TTC5: variants seen among roughly 807,000 people sequenced by gnomAD.
The protein encoded by TTC5 is tetratricopeptide repeat protein 5.
Under a neutral mutation model 57.4 loss-of-function variants are expected in TTC5, and 46 were observed. The ratio of observed to expected loss-of-function variants is 0.80; its 90% confidence interval spans 0.63 to 1.03. The LOEUF (loss-of-function observed/expected upper bound fraction) is 1.03. TTC5 is among the 50% of genes least tolerant of loss of function. The pLI is 0.00. For synonymous variants in TTC5, 190 were observed against 203.5 expected, an observed-to-expected ratio of 0.93 and a Z score of 0.57; for missense variants, 504 against 528.1, an observed-to-expected ratio of 0.95 and a Z score of 0.45.
intron 1 of TTC5, among the ~76,000 whole-genome samples, chr14:20,304,223 TTAAC>T (rs779473383): frequency 5.5e-4 from 83 of 152,290 alleles, no homozygotes; most frequent in African/African-American, 1.7e-3. Context: ...CTTGATTGAA[TTAAC>T]TAACTAACTA....
At chr14:20,296,368 G>T in intron 6 of TTC5, 22 bp downstream of exon 6, 1 of 1,599,018 alleles carries the variant, frequency 6.3e-7, no homozygotes, top group South Asian at 1.1e-5. Context: ...ACCCTCAGAT[G>T]ACTACACCCC....
intron 1 of TTC5, among the ~76,000 whole-genome samples, chr14:20,303,358 T>C (rs559226700): frequency 6.6e-6 from 1 of 152,292 alleles, no homozygotes; most frequent in East Asian, 1.9e-4. Context: ...ATTATGTATA[T>C]GCAGATATTC....
Position 20,289,745 on chromosome 14 carries a change from T to C in TTC5, c.1205A>G (p.Asp402Gly), listed in dbSNP as rs1009186891. The change falls in exon 10 of 10, where the codon GAC becomes GGC. Residue 402 changes from aspartate (D) to glycine (G), a missense_variant and splice_region_variant. Physicochemically the swap from Asp to Gly is moderately conservative, Grantham distance 94. Coordinates refer to ENST00000258821, the MANE Select transcript of TTC5 (RefSeq NM_138376.3). ...RLHRIQHKGK[D>G]YSFSSVRVET... ...CACTCGAACACTGGAAAAGGAATAG[T>C]CCTAGAAAAGACAGACAGACAAAGG... 4.3e-6 allele frequency: 7 copies of C among 1,611,700 alleles called. No individual in the cohort carries two copies. Among genetic ancestry groups the C allele is most frequent in the Admixed American group, 1.7e-5 (1 of 59,660 alleles).
intron 2 of TTC5, 68 bp downstream of exon 2, chr14:20,301,765 G>A (rs1054142788): frequency 2.3e-5 from 37 of 1,593,812 alleles, no homozygotes; most frequent in Non-Finnish European, 3.2e-5. Flanking sequence ...AAGAGTCAAT[G>A]AGGAGGGAGC....
chr14:20,286,245 A>G lies in TTC5; in HGVS notation c.*3382T>C, dbSNP rs1881835110. 6.6e-6 allele frequency: 1 copy of G among 152,174 alleles called. No individual in the cohort carries two copies. Among genetic ancestry groups the G allele is most frequent in the Non-Finnish European group, 1.5e-5 (1 of 68,022 alleles). 9.4% of individuals were successfully genotyped at this position (152,174 alleles called of 1,614,324 possible). On this transcript the variant is annotated 3_prime_UTR_variant, in exon 10 of 10. Transcript: ENST00000258821. ...AGCAAGCTGCGATTTGGATAAATAT[A>G]TTTGAAAAACATAATTTATAATGGA...
At chr14:20,301,761 C>A in intron 2 of TTC5, 72 bp downstream of exon 2, 2 of 1,587,974 alleles carry the variant, frequency 1.3e-6, no homozygotes, top group Admixed American at 1.7e-5. Flanking sequence ...ACCAAAGAGT[C>A]AATGAGGAGG....
chr14:20,293,549 G>A (rs191358419), intron 8 of TTC5: 1 of 152,206 alleles, frequency 6.6e-6, no homozygotes, highest in African/African-American at 2.4e-5. Flanking sequence ...GCTACATATA[G>A]TACCAGTAAG....
At chr14:20,295,289 G>C in intron 8 of TTC5, 23 bp downstream of exon 8, 1 of 1,610,444 alleles carries the variant, frequency 6.2e-7, no homozygotes, top group Non-Finnish European at 8.5e-7. Flanking sequence ...GGGTAAAATG[G>C]GGGAAATCCA....
At chr14:20,303,279 G>A (rs185429836) in intron 1 of TTC5, among the ~76,000 whole-genome samples, 2 of 151,790 alleles carry the variant, frequency 1.3e-5, no homozygotes, top group East Asian at 3.9e-4. Flanking sequence ...GCCTCCCAAA[G>A]TGCTGGGACT....
rs1491224593 is a variant in TTC5, at chr14:20,300,156, T to TATATATATA, written c.396+450_396+451insTATATATAT. ...CGTCTGGTCCATGTATATATATATA[T>TATATATATA]TTTTTTTTTTTTTTTTTTTTTTTGT... On this transcript the variant is annotated intron_variant, in intron 3 of 9. Transcript: ENST00000258821. Among the ~76,000 whole-genome samples the TATATATATA allele has an allele frequency of 5.6e-3, 223 of 39,730 alleles. 2 individuals are homozygous for TATATATATA. Among genetic ancestry groups the TATATATATA allele is most frequent in the African/African-American group, 0.017 (182 of 10,800 alleles). The allele number at this position is 39,730 out of a possible 152,430, so 26.1% of individuals were successfully genotyped here.
intron 5 of TTC5, among the ~76,000 whole-genome samples, chr14:20,298,322 G>C (rs1002921174): frequency 1.3e-5 from 2 of 152,148 alleles, no homozygotes; most frequent in Admixed American, 1.3e-4. Flanking sequence ...AAATGACACA[G>C]AACAAGCTAC....
intron 8 of TTC5, chr14:20,294,189 G>C (rs1882016110): frequency 6.6e-6 from 1 of 151,980 alleles, no homozygotes; most frequent in African/African-American, 2.4e-5. Context: ...GATCAAAGTT[G>C]GCAACTATAG....
intron 1 of TTC5, among the ~76,000 whole-genome samples, chr14:20,304,759 T>C (rs986414205): frequency 6.6e-6 from 1 of 152,232 alleles, no homozygotes; most frequent in Non-Finnish European, 1.5e-5. Flanking sequence ...GAAGGGCTTA[T>C]TGATTGGTTT....
chr14:20,299,020 T>C (rs1882126095), intron 4 of TTC5, 132 bp from the exon 5 acceptor site: 3 of 761,080 alleles, frequency 3.9e-6, no homozygotes, highest in Admixed American at 2.4e-5. Context: ...ATACTTAGTA[T>C]ACCCAAAACT....
rs916880566 is a variant in TTC5 at position 20,289,361 on chromosome 14, A to G, written c.*266T>C. On this transcript the variant is annotated 3_prime_UTR_variant, in exon 10 of 10. Coordinates refer to ENST00000258821, the MANE Select transcript of TTC5 (RefSeq NM_138376.3). ...ATGGCAAGATCCCAAGACTTCTACC[A>G]ATTCCATGCTCTTTGCTTAAAACAT... 1 of 286,958 alleles carries G rather than the reference A, an allele frequency of 3.5e-6. No homozygotes were observed. The highest frequency in any genetic ancestry group is 2.1e-5 in the African/African-American group (1 of 47,192). 17.8% of individuals were successfully genotyped at this position (286,958 alleles called of 1,614,324 possible). A position where few individuals can be genotyped will look rare whatever the true frequency, so the allele number is the denominator to read the frequency against.
intron 6 of TTC5, among the ~76,000 whole-genome samples, chr14:20,296,157 A>T (rs1882058046): frequency 6.6e-6 from 1 of 152,050 alleles, no homozygotes; most frequent in Non-Finnish European, 1.5e-5. Context: ...CTTCTAAAAG[A>T]TCCCCCCATT....
intron 9 of TTC5, among the ~76,000 whole-genome samples, chr14:20,291,017 G>A (rs1309111085): frequency 6.6e-6 from 1 of 151,840 alleles, no homozygotes; most frequent in East Asian, 1.9e-4. Context: ...TTACGCTTCT[G>A]TCCATTTTTT....
In TTC5 at chr14:20,288,379, C is replaced by A. The variant is rs1280592941; in HGVS notation, c.*1248G>T. Reference sequence around the variant, plus strand: ...TCTGAGCCATTTCACTAGAAGACTTCTCAATTCATCTGTATACATTAATGT... The same window carrying A: ...TCTGAGCCATTTCACTAGAAGACTTATCAATTCATCTGTATACATTAATGT... On this transcript the variant is annotated 3_prime_UTR_variant, in exon 10 of 10. Transcript: ENST00000258821. The A allele has an allele frequency of 6.6e-6, 1 of 152,242 alleles. No individual in the cohort carries two copies. The highest frequency in any genetic ancestry group is 1.9e-4 in the East Asian group (1 of 5,198). 9.4% of individuals were successfully genotyped at this position (152,242 alleles called of 1,614,324 possible). A position where few individuals can be genotyped will look rare whatever the true frequency, so the allele number is the denominator to read the frequency against.
chr14:20,290,359 G>A (rs1011945678), intron 9 of TTC5, among the ~76,000 whole-genome samples: 2 of 152,136 alleles, frequency 1.3e-5, no homozygotes, highest in Admixed American at 1.3e-4. Flanking sequence ...TGAGAGGCAG[G>A]CTCTTTTAAG....
Sources: gnomAD v4.1 joint callset for allele counts (sites outside exome capture counted in the v4.1 genomes callset) on GRCh38, gnomAD v4.1.1 for gene constraint, MANE v1.5 for transcripts, NCBI Gene and HGNC (gene_info 2026-07-23, HGNC 2026-07-21) for gene names.